Variants in ZNF827 observed in about 807,000 individuals in gnomAD.
The protein encoded by ZNF827 is zinc finger protein 827.
ZNF827 carries 13 observed loss-of-function variants against 102.4 expected under a neutral mutation model. The ratio of observed to expected loss-of-function variants is 0.13; its 90% CI spans 0.08 to 0.20. The LOEUF is 0.20. Ranked by LOEUF, ZNF827 falls within the 10% of genes least tolerant of loss-of-function variation. The probability of loss-of-function intolerance (pLI) is 1.00; values close to 1 mark genes in which losing one functional copy is unlikely to be tolerated. For synonymous variants in ZNF827, 523 were observed against 536.2 expected (o/e 0.98, Z 0.34); for missense variants, 1,103 against 1,344.4 (o/e 0.82, Z 2.81).
At chr4:145,824,173 T>A (rs1283070049) in intron 7 of ZNF827, among the ~76,000 whole-genome samples, 1 of 152,152 alleles carries the variant, frequency 6.6e-6, no homozygotes. Context: ...CCCTAGTGAC[T>A]CAGCTAGAAC....
At chr4:145,819,084 T>C (rs1742883668) in intron 8 of ZNF827, among the ~76,000 whole-genome samples, 4 of 151,390 alleles carry the variant, frequency 2.6e-5, no homozygotes, top group African/African-American at 9.7e-5. Context: ...TTGTACATTA[T>C]AAATAAAACC....
chr4:145,769,440 G>T (rs1735911733), intron 11 of ZNF827, among the ~76,000 whole-genome samples: 1 of 152,058 alleles, frequency 6.6e-6, no homozygotes, highest in South Asian at 2.1e-4. Context: ...TTCATTTTTA[G>T]AATTAAAACA....
chr4:145,902,793 A>G lies in ZNF827; in HGVS notation c.466T>C (p.Phe156Leu), dbSNP rs1381999942. 1 of 1,613,988 alleles carries G rather than the reference A, an allele frequency of 6.2e-7. No homozygotes were observed. Among genetic ancestry groups the G allele is most frequent in the Admixed American group, 1.7e-5 (1 of 60,010 alleles). Residue 156 changes from phenylalanine (F) to leucine (L), a missense_variant, in exon 2 of 15, where the codon TTT becomes CTT. Phe to Leu is a conservative substitution (Grantham distance 22, BLOSUM62 0). Coordinates refer to ENST00000508784, the MANE Select transcript of ZNF827 (RefSeq NM_001306215.2). The surrounding 1 kb of genome is among the most constrained non-coding windows in gnomAD (Gnocchi z 4.3). The part of the protein sequence containing the change: ...SPVNVGSNLS[F>L]SPPSHHAQQL... ...TGGGCGTGGTGGGAAGGCGGGGAAA[A>G]GGAGAGGTTCGAGCCAACGTTTACG... is the stretch of plus-strand genomic sequence containing the variant.
At chr4:145,771,016 T>C (rs563704340) in intron 11 of ZNF827, 1 of 152,248 alleles carries the variant, frequency 6.6e-6, no homozygotes, top group Non-Finnish European at 1.5e-5. Context: ...GTTTTAGCTG[T>C]ATGTGTTTCC....
chr4:145,882,137 C>G (rs556926817), intron 4 of ZNF827, among the ~76,000 whole-genome samples: 3 of 152,118 alleles, frequency 2.0e-5, no homozygotes, highest in Admixed American at 6.5e-5. Flanking sequence ...TCTCCGCAGT[C>G]GGGTGAACAC....
chr4:145,938,496 G>A lies in ZNF827; in HGVS notation c.-89C>T, dbSNP rs991968247. On this transcript the variant is annotated 5_prime_UTR_variant, in exon 1 of 15. Transcript: ENST00000508784. ...CAGAGAGGCAGACACTGGCAGGAGC[G>A]GGGAGGTAGTTGGGGGGCGGGCGGG... is the stretch of plus-strand genomic sequence containing the variant. 1.1e-5 allele frequency: 12 copies of A among 1,096,292 alleles called. No homozygotes were observed. The African/African-American group carries it at 1.9e-4, about 17-fold the overall frequency. The allele number at this position is 1,096,292 out of a possible 1,614,324, so 67.9% of individuals were successfully genotyped here.
At chr4:145,884,274 G>A (rs1749921649) in intron 4 of ZNF827, among the ~76,000 whole-genome samples, 1 of 152,206 alleles carries the variant, frequency 6.6e-6, no homozygotes, top group East Asian at 1.9e-4. Context: ...CACTCCTGAG[G>A]AGCAAAGATC....
intron 2 of ZNF827, among the ~76,000 whole-genome samples, chr4:145,896,387 C>T (rs1750976130): frequency 6.6e-6 from 1 of 151,930 alleles, no homozygotes; most frequent in Non-Finnish European, 1.5e-5. Flanking sequence ...TACTGATGGA[C>T]AATCCAGCTC....
intron 4 of ZNF827, among the ~76,000 whole-genome samples, chr4:145,871,870 T>C (rs1279808471): frequency 6.6e-6 from 1 of 152,196 alleles, no homozygotes; most frequent in African/African-American, 2.4e-5. Flanking sequence ...GAAGTTTCAC[T>C]ACCAGAAAGA....
intron 1 of ZNF827, among the ~76,000 whole-genome samples, chr4:145,905,262 T>C (rs1342498930): frequency 1.3e-5 from 2 of 152,204 alleles, no homozygotes; most frequent in Non-Finnish European, 2.9e-5. Context: ...AGTTTTGCCA[T>C]ATAGCATGCT....
intron 3 of ZNF827, among the ~76,000 whole-genome samples, chr4:145,888,661 G>A (rs1229728473): frequency 6.6e-6 from 1 of 152,218 alleles, no homozygotes; most frequent in Non-Finnish European, 1.5e-5. Flanking sequence ...GAGGCTACTA[G>A]AACTCAGTAC....
intron 3 of ZNF827, among the ~76,000 whole-genome samples, chr4:145,889,833 C>T (rs143641323): frequency 0.017 from 2,640 of 152,042 alleles, 76 homozygotes; most frequent in African/African-American, 0.06. Context: ...AAAAATTAGC[C>T]AGGCGTGGTG....
chr4:145,875,477 G>C (rs1222689541), intron 4 of ZNF827, among the ~76,000 whole-genome samples: 2 of 152,196 alleles, frequency 1.3e-5, no homozygotes, highest in South Asian at 2.1e-4. Flanking sequence ...TGGAAAATAA[G>C]TGATGTGGGT....
In ZNF827 at chr4:145,793,480, A is replaced by G. The variant is rs949807964; in HGVS notation, c.2384-13969T>C. Among the ~76,000 whole-genome samples, 42 of 151,348 alleles carry G rather than the reference A, an allele frequency of 2.8e-4. 1 individual carries two copies. The highest frequency in any genetic ancestry group is 9.7e-4 in the African/African-American group (40 of 41,132). On this transcript the variant is annotated intron_variant, in intron 8 of 14. Transcript: ENST00000508784. ...AGTCTGATGTTCAAGGGCAGGAAGC[A>G]TCCAGCATGGGAGAAAGATGTCGGC...
At chr4:145,788,101 A>G (rs956528830) in intron 8 of ZNF827, among the ~76,000 whole-genome samples, 1 of 152,338 alleles carries the variant, frequency 6.6e-6, no homozygotes, top group South Asian at 2.1e-4. Context: ...ATATGAAATC[A>G]ATGCTAACTG....
chr4:145,806,960 T>C (rs1741512792), intron 8 of ZNF827, among the ~76,000 whole-genome samples: 1 of 152,208 alleles, frequency 6.6e-6, no homozygotes, highest in Non-Finnish European at 1.5e-5. Flanking sequence ...CTTGCAAGGT[T>C]AAAAATAAGT....
chr4:145,890,071 A>G (rs1040929865), intron 3 of ZNF827, among the ~76,000 whole-genome samples: 6 of 152,312 alleles, frequency 3.9e-5, no homozygotes, highest in African/African-American at 9.6e-5. Flanking sequence ...TACAACCATT[A>G]TATTTCCAGG....
chr4:145,808,216 C>T (rs1393220748), intron 8 of ZNF827, among the ~76,000 whole-genome samples: 2 of 152,058 alleles, frequency 1.3e-5, no homozygotes, highest in Non-Finnish European at 2.9e-5. Context: ...ATCCACATAA[C>T]CAATTAATTC....
chr4:145,836,603 C>A (rs1744866823), intron 7 of ZNF827, among the ~76,000 whole-genome samples: 1 of 152,110 alleles, frequency 6.6e-6, no homozygotes, highest in East Asian at 1.9e-4. Context: ...TTCAATCCGG[C>A]CTCCCACATT....
Sources: allele counts gnomAD v4.1 joint callset (sites outside exome capture counted in the v4.1 genomes callset), GRCh38; gene constraint gnomAD v4.1.1; non-coding constraint Gnocchi (gnomAD v3.1); transcripts MANE v1.5; gene names NCBI Gene and HGNC (gene_info 2026-07-23, HGNC 2026-07-21).